Variants in SP100 observed in about 807,000 individuals in gnomAD.
The protein encoded by SP100 is nuclear autoantigen Sp-100.
In SP100, 84 loss-of-function variants were observed where a neutral mutation model predicts 130.0. That is an observed-to-expected ratio of 0.65 (90% CI 0.54 to 0.77). The LOEUF (loss-of-function observed/expected upper bound fraction) is 0.77. Ranked by LOEUF, SP100 falls within the 30% of genes least tolerant of loss-of-function variation. The pLI, the probability that SP100 is intolerant of heterozygous loss-of-function variation, is 0.00. For missense variants in SP100, 978 were observed against 1,052.2 expected (o/e 0.93, Z 0.97); for synonymous variants, 331 against 351.7 (o/e 0.94, Z 0.66).
chr2:230,426,989 C>G (rs1460632467), intron 2 of SP100, among the ~76,000 whole-genome samples: 1 of 152,066 alleles, frequency 6.6e-6, no homozygotes, highest in African/African-American at 2.4e-5. Flanking sequence ...TCCCCTTTAT[C>G]TTTATATATT....
At chr2:230,450,823 A>G (rs1433439321) in intron 8 of SP100, among the ~76,000 whole-genome samples, 3 of 152,212 alleles carry the variant, frequency 2.0e-5, no homozygotes, top group Non-Finnish European at 2.9e-5. Context: ...CAAAGGCTAG[A>G]TAGTATTTCA....
chr2:230,448,923 T>C (rs993998828), intron 5 of SP100, among the ~76,000 whole-genome samples, 165 bp from the exon 6 acceptor site: 1 of 152,196 alleles, frequency 6.6e-6, no homozygotes, highest in Non-Finnish European at 1.5e-5. Flanking sequence ...GGCTGGAGTC[T>C]GACTTCAGTA....
chr2:230,510,448 GCTTCTCTGGATGGAATGACA>G (rs1181480763), intron 23 of SP100: 1 of 133,928 alleles, frequency 7.5e-6, no homozygotes, highest in East Asian at 2.3e-4. Context: ...TCCCTTTGCA[GCTTCTCTGGATGGAATGACA>G]CTTCCTTTTT....
At chr2:230,506,241 G>A in intron 21 of SP100, 62 bp from the exon 22 acceptor site, 5 of 1,587,312 alleles carry the variant, frequency 3.1e-6, no homozygotes, top group Admixed American at 1.7e-5. Context: ...ACCCCAGCAT[G>A]GGGGGAGGCC....
At chr2:230,442,017 AT>A (rs1240203430) in intron 2 of SP100, among the ~76,000 whole-genome samples, 1 of 150,486 alleles carries the variant, frequency 6.6e-6, no homozygotes, top group African/African-American at 2.4e-5. Context: ...CTTTGTTATC[AT>A]TTTAGTGATC....
chr2:230,485,997 C>T (rs1008261335), intron 17 of SP100, among the ~76,000 whole-genome samples: 2 of 152,122 alleles, frequency 1.3e-5, no homozygotes, highest in Non-Finnish European at 2.9e-5. Context: ...CTAGTGGCTA[C>T]CTAGCTGAGA....
intron 15 of SP100, among the ~76,000 whole-genome samples, chr2:230,471,560 C>CT (rs1389132093): frequency 6.6e-6 from 1 of 151,976 alleles, no homozygotes; most frequent in Non-Finnish European, 1.5e-5. Context: ...TATTAATTAT[C>CT]TTTTTTTTCC....
At chr2:230,519,802 G>A (rs1452041972) in intron 24 of SP100, among the ~76,000 whole-genome samples, 1 of 152,092 alleles carries the variant, frequency 6.6e-6, no homozygotes, top group Non-Finnish European at 1.5e-5. Flanking sequence ...AATTGTGTAT[G>A]GTAATACATC....
chr2:230,542,072 T>C (rs1237431626), intron 28 of SP100, 37 bp downstream of exon 28: 1 of 1,605,098 alleles, frequency 6.2e-7, no homozygotes, highest in Non-Finnish European at 8.5e-7. Flanking sequence ...CTCTTTCAAT[T>C]ACATCACTTT....
intron 24 of SP100, among the ~76,000 whole-genome samples, chr2:230,528,484 T>C (rs1442202029): frequency 6.6e-6 from 1 of 152,144 alleles, no homozygotes; most frequent in East Asian, 1.9e-4. Context: ...AGGAAAGATC[T>C]GCAATGAACA....
chr2:230,526,063 G>A (rs1480729155), intron 24 of SP100, among the ~76,000 whole-genome samples: 3 of 152,192 alleles, frequency 2.0e-5, no homozygotes, highest in Non-Finnish European at 4.4e-5. Context: ...GGTTCTCTCA[G>A]CAAGGCATTT....
At chr2:230,515,607 AGAG>A (rs1340732420) in intron 24 of SP100, 1 of 1,603,266 alleles carries the variant, frequency 6.2e-7, no homozygotes, top group South Asian at 1.1e-5. Context: ...AGGATGAACA[AGAG>A]GAGGAAAATG....
chr2:230,508,252 T>C (rs1218197011), intron 23 of SP100: 4 of 544,612 alleles, frequency 7.3e-6, no homozygotes, highest in Middle Eastern at 5.1e-4. Flanking sequence ...TCCTCAGAAA[T>C]AGATTAAAAG....
intron 1 of SP100, chr2:230,416,953 A>G: frequency 3.2e-6 from 3 of 926,854 alleles, no homozygotes; most frequent in Non-Finnish European, 2.6e-6. Flanking sequence ...CTCTGACCAG[A>G]AAAGAGAAGG....
At chr2:230,501,457 G>C (rs1286652560) in intron 19 of SP100, among the ~76,000 whole-genome samples, 1 of 151,988 alleles carries the variant, frequency 6.6e-6, no homozygotes, top group Admixed American at 6.6e-5. Context: ...ATGTCTGATG[G>C]TACCATTTTT....
intron 5 of SP100, 54 bp downstream of exon 5, chr2:230,446,956 T>C: frequency 9.6e-7 from 1 of 1,045,280 alleles, no homozygotes; most frequent in Non-Finnish European, 1.5e-6. Context: ...GATCCAAGGT[T>C]CTGAGTGGAG....
In SP100 at chr2:230,446,222, C is replaced by A. The variant is rs190870430; in HGVS notation, c.440-597C>A. ...CTCCTGGGCTCTAGTGATCCTCCCC[C>A]CTCAGCCTCTTGAGTAGCTGGGACC... is the stretch of plus-strand genomic sequence containing the variant. On this transcript the variant is annotated intron_variant, in intron 4 of 28. Transcript: ENST00000340126. 4.6e-5 allele frequency among the ~76,000 whole-genome samples: 7 copies of A among 152,328 alleles called. No homozygotes were observed. The East Asian group carries it at 7.7e-4, about 17-fold the overall frequency.
chr2:230,426,651 C>G (rs942201842), intron 2 of SP100, among the ~76,000 whole-genome samples: 1 of 152,154 alleles, frequency 6.6e-6, no homozygotes, highest in African/African-American at 2.4e-5. Flanking sequence ...GTTAAGACTT[C>G]TTTTGTGGCC....
chr2:230,505,105 C>T (rs944852364), intron 21 of SP100, among the ~76,000 whole-genome samples: 1 of 152,108 alleles, frequency 6.6e-6, no homozygotes, highest in African/African-American at 2.4e-5. Context: ...ATGCCAGTGG[C>T]CAAACTTGCA....
Sources: gnomAD v4.1 joint callset for allele counts (sites outside exome capture counted in the v4.1 genomes callset) on GRCh38, gnomAD v4.1.1 for gene constraint, MANE v1.5 for transcripts, NCBI Gene and HGNC (gene_info 2026-07-23, HGNC 2026-07-21) for gene names.